Variants in PCDHGA3 observed in about 807,000 individuals in gnomAD.
The protein encoded by PCDHGA3 is protocadherin gamma subfamily A, 3.
Under a neutral mutation model 58.5 loss-of-function variants are expected in PCDHGA3, and 40 were observed. The observed-to-expected ratio is 0.68, with a 90% CI of 0.53 to 0.89. PCDHGA3 has a LOEUF of 0.89. Ranked by LOEUF, PCDHGA3 falls within the 40% of genes least tolerant of loss-of-function variation. The pLI, the probability that PCDHGA3 is intolerant of heterozygous loss-of-function variation, is 0.00. For synonymous variants in PCDHGA3, 530 were observed against 525.7 expected, an observed-to-expected ratio of 1.01 and a Z score of -0.11; for missense variants, 1,223 against 1,195.9, an observed-to-expected ratio of 1.02 and a Z score of -0.33.
chr5:141,375,109 T>G (rs199796645), intron 1 of PCDHGA3: 1 of 1,613,952 alleles, frequency 6.2e-7, no homozygotes, highest in Middle Eastern at 1.6e-4. Flanking sequence ...ATGTCAATGA[T>G]AATGTACCAG....
chr5:141,364,444 G>T (rs763812154), intron 1 of PCDHGA3: 10 of 1,613,956 alleles, frequency 6.2e-6, no homozygotes, highest in Non-Finnish European at 8.5e-6. Context: ...TGCCGGAGGA[G>T]CTGGACAAAG....
chr5:141,384,444 C>T lies in PCDHGA3; in HGVS notation c.2424+37987C>T, dbSNP rs751427123. 2.5e-5 allele frequency: 41 copies of T among 1,613,906 alleles called. No individual in the cohort carries two copies. The Admixed American group carries it at 5.0e-4, about 20-fold the overall frequency. ...TAAACTCTGACACTGGAGTCCTGTA[C>T]GCGCTGCAATCCTTTGATTATGAGC... On this transcript the variant is annotated intron_variant, in intron 1 of 3. Transcript: ENST00000253812.
chr5:141,385,388 G>A (rs757763221), intron 1 of PCDHGA3: 1 of 1,507,708 alleles, frequency 6.6e-7, no homozygotes, highest in Non-Finnish European at 8.8e-7. Context: ...CTATTATTTT[G>A]CAAAACAAAT....
At chr5:141,443,312 C>T (rs1296976995) in intron 1 of PCDHGA3, among the ~76,000 whole-genome samples, 2 of 115,698 alleles carry the variant, frequency 1.7e-5, no homozygotes, top group Non-Finnish European at 3.3e-5. Flanking sequence ...AAAAACCCAT[C>T]TCTACAAAAA....
chr5:141,385,351 T>C, intron 1 of PCDHGA3: 1 of 1,555,976 alleles, frequency 6.4e-7, no homozygotes, highest in Non-Finnish European at 8.7e-7. Flanking sequence ...TTTATTTCCA[T>C]GAGGAATTTA....
intron 1 of PCDHGA3, chr5:141,415,222 G>C (rs2095844564): frequency 1.2e-6 from 2 of 1,613,990 alleles, no homozygotes; most frequent in African/African-American, 2.7e-5. Context: ...CGGCAGCTTC[G>C]AGTCTCCAGC....
intron 1 of PCDHGA3, chr5:141,372,157 T>A: frequency 2.5e-6 from 4 of 1,613,774 alleles, no homozygotes; most frequent in Non-Finnish European, 3.4e-6. Flanking sequence ...GGCTACCTGG[T>A]GACCAAGGTG....
chr5:141,466,754 C>G (rs1045917268), intron 1 of PCDHGA3, among the ~76,000 whole-genome samples: 2 of 152,138 alleles, frequency 1.3e-5, no homozygotes, highest in South Asian at 2.1e-4. Context: ...GATAGGGGCT[C>G]TTTTCAAACT....
chr5:141,395,126 C>T, intron 1 of PCDHGA3: 3 of 1,614,196 alleles, frequency 1.9e-6, no homozygotes, highest in Non-Finnish European at 2.5e-6. Flanking sequence ...TGATCTTTCC[C>T]CAGCCCAACT....
intron 2 of PCDHGA3, among the ~76,000 whole-genome samples, chr5:141,503,611 A>AG (rs992110793): frequency 6.6e-6 from 1 of 151,948 alleles, no homozygotes; most frequent in Non-Finnish European, 1.5e-5. Flanking sequence ...AAAAAAAAAA[A>AG]AAAGAAAAAA....
rs1419016534 is a variant in PCDHGA3, at chr5:141,355,792, C to A, written c.2424+9335C>A. On this transcript the variant is annotated intron_variant, in intron 1 of 3. Coordinates refer to ENST00000253812, the MANE Select transcript of PCDHGA3 (RefSeq NM_018916.4). Reference sequence around the variant, plus strand: ...TAAGTACCCAGAGCTGGTGCTGGAACGCGCTCTAGATCGCGAGGAAGAGGC... The same window carrying A: ...TAAGTACCCAGAGCTGGTGCTGGAAAGCGCTCTAGATCGCGAGGAAGAGGC... 8.1e-6 allele frequency: 13 copies of A among 1,613,562 alleles called. No individual in the cohort carries two copies. The South Asian group carries it at 1.3e-4, about 16-fold the overall frequency.
At position 141,489,181 on chromosome 5, in the gene PCDHGA3, T is replaced by C; in HGVS notation, c.2425-5626T>C. The C allele has an allele frequency of 1.6e-6, 2 of 1,259,546 alleles. No homozygotes were observed. The highest frequency in any genetic ancestry group is 2.2e-6 in the Non-Finnish European group (2 of 905,040). The allele number at this position is 1,259,546 out of a possible 1,614,324, so 78.0% of individuals were successfully genotyped here. ...ACTTCAGCTGCTGCATTCCAAGCCC[T>C]GGGTCTACCTTGGAGACAGGACAGC... On this transcript the variant is annotated intron_variant, in intron 1 of 3. Transcript: ENST00000253812. This position sits in a 1 kb window ranked among gnomAD's most constrained non-coding sequence, Gnocchi z 4.5.
chr5:141,408,914 A>G lies in PCDHGA3; in HGVS notation c.2424+62457A>G, dbSNP rs776105035. ...AATTTCTGTCAAGGATACCAATGAT[A>G]ACCCCCCGGTTTTCAGCAGAGACGA... On this transcript the variant is annotated intron_variant, in intron 1 of 3. Coordinates refer to ENST00000253812, the MANE Select transcript of PCDHGA3 (RefSeq NM_018916.4). The G allele has an allele frequency of 1.2e-5, 20 of 1,613,446 alleles. No homozygotes were observed. The South Asian group carries it at 2.1e-4, about 17-fold the overall frequency.
intron 1 of PCDHGA3, among the ~76,000 whole-genome samples, chr5:141,469,120 T>C (rs188113354): frequency 6.6e-6 from 1 of 151,574 alleles, no homozygotes; most frequent in East Asian, 1.9e-4. Context: ...CTAAAAAAAT[T>C]TAAAAATTAG....
chr5:141,478,337 T>C (rs766980546), intron 1 of PCDHGA3: 1 of 1,613,942 alleles, frequency 6.2e-7, no homozygotes, highest in Non-Finnish European at 8.5e-7. Context: ...ACCAGGGCCC[T>C]CCTTGCACGC....
Position 141,489,829 on chromosome 5 carries a change from G to T in PCDHGA3, c.2425-4978G>T, listed in dbSNP as rs1445416879. 6.2e-7 allele frequency: 1 copy of T among 1,614,076 alleles called. No individual in the cohort carries two copies. Among genetic ancestry groups the T allele is most frequent in the South Asian group, 1.1e-5 (1 of 91,070 alleles). ...GAAGCCATTCCCAGAGCTGGTGCTA[G>T]AGCAGCAGCTGGATCGTGAAGCCCA... On this transcript the variant is annotated intron_variant, in intron 1 of 3. Coordinates refer to ENST00000253812, the MANE Select transcript of PCDHGA3 (RefSeq NM_018916.4). The surrounding 1 kb of genome is among the most constrained non-coding windows in gnomAD (Gnocchi z 4.5).
Position 141,490,142 on chromosome 5 carries a change from C to A in PCDHGA3, c.2425-4665C>A. On this transcript the variant is annotated intron_variant, in intron 1 of 3. Coordinates refer to ENST00000253812, the MANE Select transcript of PCDHGA3 (RefSeq NM_018916.4). This position sits in a 1 kb window ranked among gnomAD's most constrained non-coding sequence, Gnocchi z 5.4. The stretch of plus-strand genomic sequence containing the variant: ...TTTGGCCTAGACCCTAGCAGTGGGG[C>A]AATCCATGTGTTGGGTCCCATAGAC... The A allele has an allele frequency of 1.9e-6, 3 of 1,614,220 alleles. No individual in the cohort carries two copies. The highest frequency in any genetic ancestry group is 2.7e-5 in the African/African-American group (2 of 75,060).
intron 1 of PCDHGA3, among the ~76,000 whole-genome samples, chr5:141,358,000 G>A (rs1178466478): frequency 6.6e-6 from 1 of 152,102 alleles, no homozygotes; most frequent in African/African-American, 2.4e-5. Context: ...GACCAGTCTG[G>A]GCAACATGGT....
intron 3 of PCDHGA3, among the ~76,000 whole-genome samples, chr5:141,506,444 C>T (rs542906499): frequency 2.1e-5 from 2 of 95,022 alleles, no homozygotes; most frequent in South Asian, 3.6e-4. Flanking sequence ...CGCTCTGTCT[C>T]AAAAAAAAAA....
Sources: gnomAD v4.1 joint callset for allele counts (sites outside exome capture counted in the v4.1 genomes callset) on GRCh38, gnomAD v4.1.1 for gene constraint, Gnocchi (gnomAD v3.1) non-coding constraint, MANE v1.5 for transcripts, NCBI Gene and HGNC (gene_info 2026-07-23, HGNC 2026-07-21) for gene names.